CSTPP1: variants seen among roughly 807,000 people sequenced by gnomAD.
CSTPP1 encodes UPF0705 protein C11orf49.
At chr11:46,976,051 G>A in the CSTPP1 span, among the ~76,000 whole-genome samples, 1 of 152,048 alleles carries the variant, frequency 6.6e-6, no homozygotes, top group East Asian at 1.9e-4. Flanking sequence ...GGAGAGTGGT[G>A]GAGAAAAAGA....
the CSTPP1 span, among the ~76,000 whole-genome samples, chr11:47,064,358 G>A: frequency 6.6e-6 from 1 of 151,800 alleles, no homozygotes; most frequent in African/African-American, 2.4e-5. Flanking sequence ...TTTGTCCTCT[G>A]TGTTTTTGGT....
At chr11:47,069,856 G>A in the CSTPP1 span, among the ~76,000 whole-genome samples, 1 of 152,174 alleles carries the variant, frequency 6.6e-6, no homozygotes. Flanking sequence ...TGGGATTACC[G>A]GCATGTGCCA....
At chr11:46,970,383 C>A in the CSTPP1 span, among the ~76,000 whole-genome samples, 8 of 150,274 alleles carry the variant, frequency 5.3e-5, no homozygotes, top group Admixed American at 4.6e-4. Flanking sequence ...TGCACATGTA[C>A]CCTAAAACTT....
At chr11:47,159,801 T>C in the CSTPP1 span, 2 of 436,260 alleles carry the variant, frequency 4.6e-6, no homozygotes, top group Admixed American at 2.5e-5. Context: ...GGTCAGGAGT[T>C]CGAGACCAGC....
the CSTPP1 span, among the ~76,000 whole-genome samples, chr11:47,007,974 T>C: frequency 6.6e-6 from 1 of 152,022 alleles, no homozygotes; most frequent in Non-Finnish European, 1.5e-5. Context: ...ATTTTTTTTT[T>C]CTTTTCTTTT....
the CSTPP1 span, among the ~76,000 whole-genome samples, chr11:47,065,915 G>T: frequency 6.7e-6 from 1 of 149,422 alleles, no homozygotes; most frequent in East Asian, 2.0e-4. Context: ...GCATGTAATT[G>T]ATTTTTGTAT....
chr11:47,125,688 A>C, the CSTPP1 span, among the ~76,000 whole-genome samples: 1 of 152,168 alleles, frequency 6.6e-6, no homozygotes, highest in Non-Finnish European at 1.5e-5. Flanking sequence ...ATAAAATTTC[A>C]TCCTAATGAT....
At chr11:47,159,660 G>A in the CSTPP1 span, 1 of 456,244 alleles carries the variant, frequency 2.2e-6, no homozygotes, top group Non-Finnish European at 4.4e-6. Flanking sequence ...AAGCCAATTA[G>A]CAACTGGGTC....
the CSTPP1 span, among the ~76,000 whole-genome samples, chr11:47,038,531 G>A: frequency 1.9e-5 from 2 of 105,730 alleles, no homozygotes; most frequent in Non-Finnish European, 4.7e-5. Context: ...AGGGGCGGCC[G>A]GGCAGAGGCG....
the CSTPP1 span, among the ~76,000 whole-genome samples, chr11:47,018,869 G>A: frequency 6.6e-6 from 1 of 151,964 alleles, no homozygotes; most frequent in Non-Finnish European, 1.5e-5. Flanking sequence ...TTTTAAATTG[G>A]GTTGTTTGTT....
At chr11:47,132,337 C>T in the CSTPP1 span, among the ~76,000 whole-genome samples, 69 of 152,336 alleles carry the variant, frequency 4.5e-4, no homozygotes, top group African/African-American at 1.5e-3. Flanking sequence ...TACTGCAATG[C>T]ACCAGGCATT....
chr11:47,040,283 T>C, the CSTPP1 span, among the ~76,000 whole-genome samples: 4 of 127,922 alleles, frequency 3.1e-5, 2 homozygotes, highest in Admixed American at 3.3e-4. Context: ...GTACAACAGG[T>C]TTTCAAATAA....
chr11:46,996,996 T>G, the CSTPP1 span, among the ~76,000 whole-genome samples: 32 of 152,220 alleles, frequency 2.1e-4, 1 homozygote, highest in Admixed American at 1.9e-3. Flanking sequence ...CATTTTTTCC[T>G]TCATTTCAGC....
the CSTPP1 span, among the ~76,000 whole-genome samples, chr11:47,042,929 T>G: frequency 6.6e-6 from 1 of 152,220 alleles, no homozygotes; most frequent in Admixed American, 6.5e-5. Context: ...GACTTGGGCC[T>G]CTTATTCATT....
the CSTPP1 span, chr11:46,947,923 T>G: frequency 2.5e-6 from 1 of 403,624 alleles, no homozygotes; most frequent in Non-Finnish European, 4.9e-6. Context: ...TAGGGCCCAT[T>G]GCCACTTTTT....
At chr11:47,074,184 A>G in the CSTPP1 span, among the ~76,000 whole-genome samples, 1 of 152,122 alleles carries the variant, frequency 6.6e-6, no homozygotes, top group Admixed American at 6.6e-5. Context: ...AGCCTGGGCA[A>G]CAGTCTCAAC....
the CSTPP1 span, chr11:47,155,147 C>A: frequency 6.4e-7 from 1 of 1,571,798 alleles, no homozygotes; most frequent in Non-Finnish European, 8.7e-7. Context: ...CCCCCATTCT[C>A]TCTCTCAGAT....
the CSTPP1 span, among the ~76,000 whole-genome samples, chr11:47,163,462 T>C: frequency 3.6e-4 from 55 of 152,258 alleles, no homozygotes; most frequent in Non-Finnish European, 1.2e-4. Context: ...AATCATCCAC[T>C]TCCCAGACCA....
At chr11:47,112,310 C>CGTAT in the CSTPP1 span, among the ~76,000 whole-genome samples, 1 of 134,276 alleles carries the variant, frequency 7.4e-6, no homozygotes, top group African/African-American at 2.7e-5. Flanking sequence ...TTCTATATAG[C>CGTAT]TTATTTGTTT....
Sources: allele counts gnomAD v4.1 joint callset (sites outside exome capture counted in the v4.1 genomes callset), GRCh38; gene constraint gnomAD v4.1.1; transcripts MANE v1.5; gene names NCBI Gene and HGNC (gene_info 2026-07-23, HGNC 2026-07-21).